PKN2: variants seen among roughly 807,000 people sequenced by gnomAD.
PKN2 encodes protein kinase N2.
PKN2 carries 38 observed loss-of-function variants against 119.1 expected under a neutral mutation model. That is an observed-to-expected ratio of 0.32 (90% CI 0.25 to 0.42). The LOEUF (loss-of-function observed/expected upper bound fraction) is 0.42, where lower values mean the gene tolerates loss of function less well. Among genes scored for constraint, PKN2 ranks in the 10% least tolerant of loss-of-function variants. The pLI is 1.00. For missense variants in PKN2, 850 were observed against 1,165.1 expected (o/e 0.73, Z 3.94); for synonymous variants, 390 against 384.9 (o/e 1.01, Z -0.15).
chr1:88,751,971 T>G (rs1300410712), intron 2 of PKN2, among the ~76,000 whole-genome samples: 1 of 152,164 alleles, frequency 6.6e-6, no homozygotes, highest in South Asian at 2.1e-4. Flanking sequence ...TTTTAAGATA[T>G]CCTTTGTCTT....
intron 1 of PKN2, among the ~76,000 whole-genome samples, chr1:88,700,503 A>C (rs1451218476): frequency 6.6e-6 from 1 of 152,180 alleles, no homozygotes; most frequent in Non-Finnish European, 1.5e-5. Flanking sequence ...CTCCATACCC[A>C]AAAGTAAGGA....
chr1:88,728,003 G>C (rs1420274766), intron 1 of PKN2, among the ~76,000 whole-genome samples: 5 of 138,918 alleles, frequency 3.6e-5, no homozygotes, highest in African/African-American at 1.1e-4. Context: ...AAGAGAGCAG[G>C]TTTTTCTTGG....
intron 2 of PKN2, among the ~76,000 whole-genome samples, chr1:88,747,426 C>T (rs1668813545): frequency 6.6e-6 from 1 of 151,944 alleles, no homozygotes; most frequent in African/African-American, 2.4e-5. Flanking sequence ...TGTTGTCATT[C>T]TATGTGGAAA....
chr1:88,828,748 AGT>A, intron 19 of PKN2, 125 bp downstream of exon 19: 1 of 713,612 alleles, frequency 1.4e-6, no homozygotes. Flanking sequence ...AAATATTTAT[AGT>A]ATACTAGTAG....
At chr1:88,825,977 C>A (rs1476073170) in intron 18 of PKN2, among the ~76,000 whole-genome samples, 2 of 152,198 alleles carry the variant, frequency 1.3e-5, no homozygotes, top group Non-Finnish European at 2.9e-5. Flanking sequence ...TGACTAACAT[C>A]TGCTCATCCT....
intron 8 of PKN2, among the ~76,000 whole-genome samples, chr1:88,803,896 A>G (rs766838752): frequency 6.6e-6 from 1 of 152,212 alleles, no homozygotes; most frequent in Non-Finnish European, 1.5e-5. Context: ...TAAAGTGCTT[A>G]TTAGCACAAT....
chr1:88,726,303 T>C (rs1191165407), intron 1 of PKN2, among the ~76,000 whole-genome samples: 1 of 152,174 alleles, frequency 6.6e-6, no homozygotes, highest in African/African-American at 2.4e-5. Context: ...CATATGATGT[T>C]AGCTGTAAAT....
chr1:88,786,895 T>C (rs767049830), intron 8 of PKN2, among the ~76,000 whole-genome samples: 10 of 151,864 alleles, frequency 6.6e-5, no homozygotes, highest in Non-Finnish European at 1.2e-4. Context: ...TAACTATGTG[T>C]GCTCTCAAAA....
chr1:88,816,837 A>G (rs7530541), intron 16 of PKN2: 10,916 of 151,990 alleles, frequency 0.072, 840 homozygotes, highest in African/African-American at 0.19. Flanking sequence ...GATTAGCATG[A>G]CCCCTGTGCG....
At chr1:88,756,269 A>G (rs955584549) in intron 2 of PKN2, among the ~76,000 whole-genome samples, 16 of 152,170 alleles carry the variant, frequency 1.1e-4, no homozygotes, top group Non-Finnish European at 1.9e-4. Flanking sequence ...AACAAATTGT[A>G]ATCTTTTTGT....
chr1:88,699,704 T>G (rs542456414), intron 1 of PKN2, among the ~76,000 whole-genome samples: 1 of 152,354 alleles, frequency 6.6e-6, no homozygotes, highest in Admixed American at 6.5e-5. Context: ...TGCTTTAGTT[T>G]GCTGAGAATA....
At chr1:88,712,416 T>G (rs989684710) in intron 1 of PKN2, among the ~76,000 whole-genome samples, 1 of 152,164 alleles carries the variant, frequency 6.6e-6, no homozygotes, top group South Asian at 2.1e-4. Flanking sequence ...TCAGACTGTT[T>G]TAGGCCACTG....
intron 15 of PKN2, among the ~76,000 whole-genome samples, chr1:88,808,208 C>T (rs925937552): frequency 2.4e-4 from 37 of 151,780 alleles, no homozygotes; most frequent in African/African-American, 8.2e-4. Context: ...TTATTTTTTT[C>T]CTTTTATTTT....
At chr1:88,825,026 T>TAGAA (rs1259308346) in intron 18 of PKN2, among the ~76,000 whole-genome samples, 1 of 152,262 alleles carries the variant, frequency 6.6e-6, no homozygotes, top group East Asian at 1.9e-4. Context: ...TAACATTCTC[T>TAGAA]ATCTCCCTCT....
At chr1:88,805,119 A>G (rs11807196) in intron 10 of PKN2, among the ~76,000 whole-genome samples, 198 bp downstream of exon 10, 10,176 of 152,216 alleles carry the variant, frequency 0.067, 699 homozygotes, top group African/African-American at 0.18. Context: ...GGCTTCAACA[A>G]TAATCAACTC....
intron 1 of PKN2, among the ~76,000 whole-genome samples, chr1:88,698,616 C>T (rs755995648): frequency 6.6e-6 from 1 of 152,088 alleles, no homozygotes; most frequent in Non-Finnish European, 1.5e-5. Flanking sequence ...TACATATGCA[C>T]GGATAAATCA....
chr1:88,727,266 T>C (rs1417209012), intron 1 of PKN2, among the ~76,000 whole-genome samples: 1 of 152,170 alleles, frequency 6.6e-6, no homozygotes, highest in Non-Finnish European at 1.5e-5. Context: ...TGGTATATTC[T>C]TTCCTATCCT....
chr1:88,690,926 A>C (rs190199648), intron 1 of PKN2, among the ~76,000 whole-genome samples: 5 of 152,292 alleles, frequency 3.3e-5, no homozygotes, highest in African/African-American at 1.2e-4. Flanking sequence ...TGACTTATCA[A>C]ATTGGTGAAA....
chr1:88,775,634 T>G (rs1282957895), intron 6 of PKN2, among the ~76,000 whole-genome samples: 1 of 152,168 alleles, frequency 6.6e-6, no homozygotes, highest in African/African-American at 2.4e-5. Flanking sequence ...TGTCCTAAAT[T>G]TATTATAATC....
Sources: gnomAD v4.1 joint callset for allele counts (sites outside exome capture counted in the v4.1 genomes callset) on GRCh38, gnomAD v4.1.1 for gene constraint, MANE v1.5 for transcripts, NCBI Gene and HGNC (gene_info 2026-07-23, HGNC 2026-07-21) for gene names.